Variants in EIF5A observed in about 807,000 individuals in gnomAD.
The protein encoded by EIF5A is eukaryotic translation initiation factor 5A-1.
In EIF5A, 1 loss-of-function variant was observed where a neutral mutation model predicts 16.6. The ratio of observed to expected loss-of-function variants is 0.06; its 90% CI spans 0.02 to 0.28. EIF5A has a LOEUF of 0.28. Among genes scored for constraint, EIF5A ranks in the 10% least tolerant of loss-of-function variants. The probability of loss-of-function intolerance (pLI) is 1.00; values close to 1 mark genes in which losing one functional copy is unlikely to be tolerated. For synonymous variants in EIF5A, 80 were observed against 73.6 expected, an observed-to-expected ratio of 1.09 and a Z score of -0.44; for missense variants, 29 against 196.1, an observed-to-expected ratio of 0.15 and a Z score of 5.09.
chr17:7,307,632 T>G lies in EIF5A; in HGVS notation c.-142T>G, dbSNP rs1420901314. On this transcript the variant is annotated 5_prime_UTR_variant, in exon 1 of 6. Transcript: ENST00000336458. ...CAGTGGGGAGTCGGCGCCTGCGTACTAAGACCCGTGTGCAGCAGCGGCGGC... is the reference window on the plus strand; with the variant it reads ...CAGTGGGGAGTCGGCGCCTGCGTACGAAGACCCGTGTGCAGCAGCGGCGGC... The G allele has an allele frequency of 3.9e-6, 4 of 1,037,070 alleles. No individual in the cohort carries two copies. Among genetic ancestry groups the G allele is most frequent in the East Asian group, 1.0e-4 (1 of 9,726 alleles). 64.2% of individuals were successfully genotyped at this position (1,037,070 alleles called of 1,614,324 possible).
chr17:7,310,032 C>T (rs577282342), intron 2 of EIF5A: 16 of 1,502,446 alleles, frequency 1.1e-5, no homozygotes, highest in East Asian at 1.1e-4. Flanking sequence ...GCAGTCCCTC[C>T]GTTTCTCCAG....
rs745553416 is a variant in EIF5A, at chr17:7,308,621, CAG to C, written c.-22+870_-22+871del. On this transcript the variant is annotated intron_variant, in intron 1 of 5. Coordinates refer to ENST00000336458, the MANE Select transcript of EIF5A (RefSeq NM_001970.5). ...CTGGGAGGCCGGAGAAATGGGGAAA[CAG>C]GGCGTTTGGACAGGAGCCCAACTTT... 2.5e-5 allele frequency: 33 copies of C among 1,344,576 alleles called. No individual in the cohort carries two copies. The East Asian group carries it at 6.0e-4, about 24-fold the overall frequency. The allele number at this position is 1,344,576 out of a possible 1,614,324, so 83.3% of individuals were successfully genotyped here.
intron 2 of EIF5A, 149 bp from the exon 3 acceptor site, chr17:7,310,869 T>TAAG (rs1417407643): frequency 7.0e-7 from 1 of 1,426,410 alleles, no homozygotes; most frequent in African/African-American, 1.4e-5. Context: ...GCTTTACTGT[T>TAAG]TCTTGAGTTG....
chr17:7,308,397 G>A (rs2072699972), intron 1 of EIF5A: 30 of 1,234,416 alleles, frequency 2.4e-5, no homozygotes, highest in Non-Finnish European at 2.7e-5. Flanking sequence ...CCTAGCGCGG[G>A]GAGCTAGTCC....
intron 2 of EIF5A, 120 bp from the exon 3 acceptor site, chr17:7,310,898 C>T: frequency 6.9e-7 from 1 of 1,452,784 alleles, no homozygotes; most frequent in South Asian, 1.4e-5. Context: ...AATTCCAACA[C>T]TCCAGTCTTT....
chr17:7,308,461 G>C, intron 1 of EIF5A: 1 of 1,341,666 alleles, frequency 7.5e-7, no homozygotes, highest in East Asian at 4.7e-5. Context: ...CCGGAGGCTC[G>C]GGTCCTAATC....
chr17:7,310,540 C>T, intron 2 of EIF5A: 1 of 1,099,426 alleles, frequency 9.1e-7, no homozygotes, highest in South Asian at 2.2e-5. Flanking sequence ...TCTCTGTGCT[C>T]TTCTGGCTTC....
At chr17:7,308,336 C>G (rs1368206231) in intron 1 of EIF5A, 1 of 1,174,564 alleles carries the variant, frequency 8.5e-7, no homozygotes, top group African/African-American at 1.6e-5. Context: ...CCCCCAGGTC[C>G]CGGCCACCGG....
chr17:7,307,104 T>A (rs2072646005), upstream of EIF5A: 8 of 1,600,328 alleles, frequency 5.0e-6, no homozygotes, highest in Non-Finnish European at 5.1e-6. Context: ...CAGAGCAAGT[T>A]TTCTGAAACG....
In EIF5A at chr17:7,307,915, C is replaced by T. The variant is rs1373173179; in HGVS notation, c.-22+163C>T. 4 of 983,042 alleles carry T rather than the reference C, an allele frequency of 4.1e-6. No homozygotes were observed. In the African/African-American group the frequency reaches 5.3e-5, roughly 13 times the overall value. 60.9% of individuals were successfully genotyped at this position (983,042 alleles called of 1,614,324 possible). On this transcript the variant is annotated intron_variant, in intron 1 of 5. Coordinates refer to ENST00000336458, the MANE Select transcript of EIF5A (RefSeq NM_001970.5). ...TGAGGAGAGGCGCGGGCGCGCGCCC[C>T]GGTTGGCGCGCGGGGTGACGGTTGG...
upstream of EIF5A, chr17:7,307,307 G>A: frequency 8.4e-7 from 1 of 1,191,178 alleles, no homozygotes; most frequent in Non-Finnish European, 1.1e-6. Context: ...TTTAGAGGGT[G>A]TGGAGTGCAG....
chr17:7,310,651 T>G, intron 2 of EIF5A: 1 of 985,416 alleles, frequency 1.0e-6, no homozygotes, highest in Non-Finnish European at 1.2e-6. Context: ...TCTACCTTCC[T>G]TATTCCCCAG....
chr17:7,308,280 A>G, intron 1 of EIF5A: 1 of 1,076,108 alleles, frequency 9.3e-7, no homozygotes. Context: ...CGCAGGCCGC[A>G]TGGCCAAGCG....
In EIF5A at chr17:7,311,836, C is replaced by T. The variant is rs1416209064; in HGVS notation, c.*26C>T. 7.2e-6 allele frequency: 6 copies of T among 836,198 alleles called. No homozygotes were observed. Among genetic ancestry groups the T allele is most frequent in the South Asian group, 5.2e-5 (3 of 57,478 alleles). The allele number at this position is 836,198 out of a possible 1,614,324, so 51.8% of individuals were successfully genotyped here. On this transcript the variant is annotated 3_prime_UTR_variant, in exon 6 of 6. Coordinates refer to ENST00000336458, the MANE Select transcript of EIF5A (RefSeq NM_001970.5). The stretch of plus-strand genomic sequence containing the variant: ...CTCCTACCTAGGGTGGCGGTGGTGG[C>T]AGCAGTGATCCTCTGAACCTGCAGA...
At chr17:7,311,731 G>C in intron 5 of EIF5A, 80 bp downstream of exon 5, 1 of 1,569,650 alleles carries the variant, frequency 6.4e-7, no homozygotes, top group African/African-American at 1.4e-5. Context: ...ATTGTTTCAG[G>C]CTTACTTTCT....
chr17:7,307,488 G>A, upstream of EIF5A: 1 of 1,042,626 alleles, frequency 9.6e-7, no homozygotes, highest in Non-Finnish European at 1.2e-6. Flanking sequence ...GTCATTGGAC[G>A]GGTCGGTGGG....
rs1365513448 is a variant in EIF5A, at chr17:7,311,481, G to A, written c.402G>A (p.Leu134=). The change falls in exon 4 of 6, where the codon CTG becomes CTA. Residue 134 remains leucine (L), a splice_region_variant and synonymous_variant. Transcript: ENST00000336458. Reference sequence around the variant, plus strand: ...AGTACGACTGTGGAGAAGAGATCCTGGTATGGTGCCTCCCTCCCTGCTTCT... The same window carrying A: ...AGTACGACTGTGGAGAAGAGATCCTAGTATGGTGCCTCCCTCCCTGCTTCT... ...EQKYDCGEEI[L]ITVLSAMTEE... The A allele has an allele frequency of 1.9e-6, 3 of 1,614,098 alleles. No individual in the cohort carries two copies. The highest frequency in any genetic ancestry group is 2.5e-6 in the Non-Finnish European group (3 of 1,180,006).
upstream of EIF5A, chr17:7,307,187 G>C: frequency 2.0e-6 from 3 of 1,478,214 alleles, no homozygotes; most frequent in Middle Eastern, 3.4e-4. Context: ...GACGAGACAA[G>C]TGATCTAGCG....
At chr17:7,310,023 C>T (rs899584865) in intron 2 of EIF5A, 21 of 1,510,948 alleles carry the variant, frequency 1.4e-5, no homozygotes, top group Non-Finnish European at 1.9e-5. Context: ...CATTCTCTGG[C>T]AGTCCCTCCG....
Sources: gnomAD v4.1 joint callset for allele counts on GRCh38, gnomAD v4.1.1 for gene constraint, MANE v1.5 for transcripts, NCBI Gene and HGNC (gene_info 2026-07-23, HGNC 2026-07-21) for gene names.